The following TMBIM4 variants were observed in gnomAD, a reference collection of about 807,000 sequenced individuals.
The protein encoded by TMBIM4 is transmembrane BAX inhibitor motif containing 4.
TMBIM4 carries 28 observed loss-of-function variants against 27.7 expected under a neutral mutation model. The observed-to-expected ratio is 1.01, with a 90% confidence interval of 0.75 to 1.38. TMBIM4 has a LOEUF of 1.38. Ranked by LOEUF, TMBIM4 falls within the 40% of genes most tolerant of loss-of-function variation. TMBIM4 has a pLI of 0.00. For missense variants in TMBIM4, 265 were observed against 277.5 expected (o/e 0.95, Z 0.32); for synonymous variants, 115 against 113.1 (o/e 1.02, Z -0.11).
At position 66,136,391 on chromosome 12, in the gene TMBIM4, T is replaced by C. The variant is rs1015441613; in HGVS notation, c.*1569A>G. On this transcript the variant is annotated 3_prime_UTR_variant, in exon 7 of 7. Transcript: ENST00000358230. Reference sequence around the variant, plus strand: ...TAATGATAATAAAGTCAAATTTACATCTACAAATCATGCAAGCTTAAATTG... The same window carrying C: ...TAATGATAATAAAGTCAAATTTACACCTACAAATCATGCAAGCTTAAATTG... 3.9e-5 allele frequency: 6 copies of C among 154,212 alleles called. No individual in the cohort carries two copies. Among genetic ancestry groups the C allele is most frequent in the Admixed American group, 1.3e-4 (2 of 15,278 alleles). The allele number at this position is 154,212 out of a possible 1,614,324, so 9.6% of individuals were successfully genotyped here.
chr12:66,152,351 G>A lies in TMBIM4; in HGVS notation c.232C>T (p.Leu78Phe), dbSNP rs776336317. ...GCAAAAATCAAACCCAGAGATCCGA[G>A]GGCAAACAGCAAAATTAAGGCAGGA... ...ESPALILLFA[L>F]GSLGLIFALI... Residue 78 changes from leucine to phenylalanine, a missense_variant, in exon 3 of 7, where the codon CTC becomes TTC. Physicochemically the swap from Leu to Phe is conservative, Grantham distance 22 (BLOSUM62 0). Coordinates refer to ENST00000358230, the MANE Select transcript of TMBIM4 (RefSeq NM_016056.4). The A allele has an allele frequency of 1.1e-5, 18 of 1,608,076 alleles. No individual in the cohort carries two copies. Among genetic ancestry groups the A allele is most frequent in the Middle Eastern group, 1.7e-4 (1 of 6,042 alleles).
chr12:66,152,186 G>T, intron 3 of TMBIM4, 85 bp downstream of exon 3: 1 of 626,712 alleles, frequency 1.6e-6, no homozygotes, highest in Non-Finnish European at 2.5e-6. Flanking sequence ...ATTTTGTTCT[G>T]CCGTTGTTAT....
chr12:66,169,442 A>G (rs774856706), intron 1 of TMBIM4: 24 of 519,150 alleles, frequency 4.6e-5, no homozygotes, highest in Admixed American at 7.9e-5. Flanking sequence ...CCACAGAACA[A>G]AAACATCAGG....
chr12:66,169,096 C>T, intron 1 of TMBIM4: 1 of 546,024 alleles, frequency 1.8e-6, no homozygotes, highest in Non-Finnish European at 3.2e-6. Flanking sequence ...CACATCAGAA[C>T]TATCTTCATC....
At chr12:66,142,011 G>C (rs960725030) in intron 5 of TMBIM4, among the ~76,000 whole-genome samples, 3 of 151,994 alleles carry the variant, frequency 2.0e-5, no homozygotes, top group Non-Finnish European at 2.9e-5. Context: ...GACAGCAGCA[G>C]CAAAATACAC....
rs2051884287 is a variant in TMBIM4 at position 66,153,443 on chromosome 12, G to A, written c.103C>T (p.Leu35=). The change falls in exon 2 of 7, where the codon CTG becomes TTG. Residue 35 remains leucine, a synonymous_variant. Transcript: ENST00000358230. The part of the protein sequence containing the change: ...SATVHIRMAF[L]RKVYSILSLQ... The stretch of plus-strand genomic sequence containing the variant: ...GAAAGAATGCTGTAGACTTTTCTCA[G>A]AAAGGCTAAAAGAGAAAAAAAATTA... 4 of 1,564,322 alleles carry A rather than the reference G, an allele frequency of 2.6e-6. No homozygotes were observed. The highest frequency in any genetic ancestry group is 3.5e-6 in the Non-Finnish European group (4 of 1,153,612).
intron 4 of TMBIM4, among the ~76,000 whole-genome samples, chr12:66,146,354 C>T (rs2051752102): frequency 6.6e-6 from 1 of 152,146 alleles, no homozygotes; most frequent in Admixed American, 6.5e-5. Context: ...TTCTGGGTCT[C>T]CTGCCTGGCT....
chr12:66,152,209 T>C lies in TMBIM4; in HGVS notation c.312+62A>G, dbSNP rs191886060. 184 of 952,488 alleles carry C rather than the reference T, an allele frequency of 1.9e-4. 1 individual carries two copies. In the East Asian group the frequency reaches 4.7e-3, roughly 24 times the overall value. 59.0% of individuals were successfully genotyped at this position (952,488 alleles called of 1,614,324 possible). A position where few individuals can be genotyped will look rare whatever the true frequency, so the allele number is the denominator to read the frequency against. ...CTGCCGTTGTTATATATGTATTATA[T>C]ATGCATTTATTTAAAACTCAGGAAT... On this transcript the variant is annotated intron_variant, in intron 3 of 6. Transcript: ENST00000358230.
intron 5 of TMBIM4, among the ~76,000 whole-genome samples, chr12:66,141,094 A>G (rs997244666): frequency 7.2e-5 from 11 of 152,164 alleles, no homozygotes. Flanking sequence ...GATGACCAAC[A>G]GACAATAAGA....
At chr12:66,153,638 T>C (rs567810349) in intron 1 of TMBIM4, among the ~76,000 whole-genome samples, 190 bp from the exon 2 acceptor site, 41 of 152,172 alleles carry the variant, frequency 2.7e-4, no homozygotes, top group Non-Finnish European at 4.9e-4. Flanking sequence ...TTGTAAGAGA[T>C]ATCTAAACCT....
intron 3 of TMBIM4, among the ~76,000 whole-genome samples, chr12:66,149,053 T>C (rs2051798239): frequency 6.6e-6 from 1 of 152,102 alleles, no homozygotes; most frequent in Admixed American, 6.5e-5. Flanking sequence ...AAAATGGTAT[T>C]AGAAATTGTA....
Position 66,153,368 on chromosome 12 carries a change from C to CAA in TMBIM4, c.176_177dup (p.Glu60LeufsTer14). On this transcript the variant is annotated frameshift_variant, in exon 2 of 7. Coordinates refer to ENST00000358230, the MANE Select transcript of TMBIM4 (RefSeq NM_016056.4). LOFTEE classifies it high-confidence loss of function. ...TCATGTACAAATGTCCGTACAGACT[C>CAA]AAAGTATAAAAAAACTGTTGAAGTC... The CAA allele has an allele frequency of 6.3e-7, 1 of 1,594,602 alleles. No homozygotes were observed. The highest frequency in any genetic ancestry group is 1.1e-5 in the South Asian group (1 of 87,766).
intron 1 of TMBIM4, among the ~76,000 whole-genome samples, chr12:66,161,778 T>A (rs1384128811): frequency 6.6e-6 from 1 of 152,164 alleles, no homozygotes; most frequent in Non-Finnish European, 1.5e-5. Context: ...AGAATAAAAT[T>A]AATTCTTTCC....
At chr12:66,155,264 C>T (rs901183959) in intron 1 of TMBIM4, among the ~76,000 whole-genome samples, 2 of 151,592 alleles carry the variant, frequency 1.3e-5, no homozygotes, top group African/African-American at 4.8e-5. Flanking sequence ...TTCAAGCCAT[C>T]CTCTAGACTC....
intron 3 of TMBIM4, among the ~76,000 whole-genome samples, chr12:66,149,444 CAAAAAAAAAAAA>C (rs61425460): frequency 1.3e-5 from 1 of 74,512 alleles, no homozygotes; most frequent in African/African-American, 6.1e-5. Flanking sequence ...GACCCTGTCT[CAAAAAAAAAAAA>C]AAAAAAAAGA....
chr12:66,142,236 C>T (rs2051679995), intron 5 of TMBIM4, among the ~76,000 whole-genome samples: 1 of 151,718 alleles, frequency 6.6e-6, no homozygotes, highest in African/African-American at 2.4e-5. Context: ...ATACATCTGG[C>T]ATACCTAAGT....
chr12:66,138,810 T>C (rs1034312815), intron 5 of TMBIM4, 41 bp from the exon 6 acceptor site: 2 of 1,452,512 alleles, frequency 1.4e-6, no homozygotes, highest in Non-Finnish European at 1.8e-6. Context: ...TATTGTTCCT[T>C]ACAAAAAAAC....
At chr12:66,148,755 T>C (rs1379533894) in intron 3 of TMBIM4, among the ~76,000 whole-genome samples, 1 of 152,196 alleles carries the variant, frequency 6.6e-6, no homozygotes, top group Non-Finnish European at 1.5e-5. Context: ...GTTTAAGCCA[T>C]TGTTATTTTG....
intron 1 of TMBIM4, among the ~76,000 whole-genome samples, chr12:66,168,193 C>G (rs2052164761): frequency 6.6e-6 from 1 of 151,366 alleles, no homozygotes; most frequent in Admixed American, 6.6e-5. Flanking sequence ...TGCACTCCAG[C>G]CTCGGTGGCA....
Sources: gnomAD v4.1 joint callset for allele counts (sites outside exome capture counted in the v4.1 genomes callset) on GRCh38, gnomAD v4.1.1 for gene constraint, MANE v1.5 for transcripts, NCBI Gene and HGNC (gene_info 2026-07-23, HGNC 2026-07-21) for gene names.